The following RBM18 variants were observed in gnomAD, a reference collection of about 807,000 sequenced individuals.
RBM18 encodes RNA binding motif protein 18, also known as probable RNA-binding protein 18.
In RBM18, 18 loss-of-function variants were observed where a neutral mutation model predicts 26.4. The observed-to-expected ratio is 0.68, with a 90% CI of 0.47 to 1.01. RBM18 has a LOEUF of 1.01. Among genes scored for constraint, RBM18 ranks in the 50% least tolerant of loss-of-function variants. The probability of loss-of-function intolerance (pLI) is 0.00; values close to 1 mark genes in which losing one functional copy is unlikely to be tolerated. For missense variants in RBM18, 180 were observed against 219.2 expected, an observed-to-expected ratio of 0.82 and a Z score of 1.13; for synonymous variants, 74 against 81.1, an observed-to-expected ratio of 0.91 and a Z score of 0.47.
intron 2 of RBM18, among the ~76,000 whole-genome samples, chr9:122,254,071 A>T (rs11999923): frequency 1.3e-5 from 2 of 151,814 alleles, no homozygotes; most frequent in Non-Finnish European, 1.5e-5. Context: ...CACACACACA[A>T]AAAAAACAAA....
chr9:122,263,505 T>C (rs533738269), intron 1 of RBM18, among the ~76,000 whole-genome samples: 4 of 152,238 alleles, frequency 2.6e-5, no homozygotes, highest in Admixed American at 6.5e-5. Flanking sequence ...CTAGGACTTA[T>C]CCAGTTACTG....
In RBM18 at chr9:122,239,056, A is replaced by G. The variant is rs1831371411; in HGVS notation, c.*2828T>C. ...ACATATAGGAAATGTTTGACATTTA[A>G]TTTATAAGGCAAGAATTACTCCTGT... On this transcript the variant is annotated 3_prime_UTR_variant, in exon 6 of 6. Coordinates refer to ENST00000417201, the MANE Select transcript of RBM18 (RefSeq NM_033117.4). The G allele has an allele frequency of 6.6e-6, 1 of 152,220 alleles. No homozygotes were observed. Among genetic ancestry groups the G allele is most frequent in the Admixed American group, 6.5e-5 (1 of 15,282 alleles). 9.4% of individuals were successfully genotyped at this position (152,220 alleles called of 1,614,324 possible). A position where few individuals can be genotyped will look rare whatever the true frequency, so the allele number is the denominator to read the frequency against.
intron 3 of RBM18, among the ~76,000 whole-genome samples, chr9:122,251,537 A>G (rs1286365518): frequency 6.6e-6 from 1 of 152,232 alleles, no homozygotes; most frequent in African/African-American, 2.4e-5. Context: ...TTGGCCAGCC[A>G]GTAAAGCAAC....
chr9:122,258,261 CT>C (rs934616072), intron 2 of RBM18, among the ~76,000 whole-genome samples: 1 of 151,150 alleles, frequency 6.6e-6, no homozygotes, highest in Non-Finnish European at 1.5e-5. Flanking sequence ...ATTGGTAGTT[CT>C]TTCTTTCTTT....
chr9:122,259,943 C>T (rs1742577979), intron 2 of RBM18, among the ~76,000 whole-genome samples: 1 of 152,142 alleles, frequency 6.6e-6, no homozygotes, highest in African/African-American at 2.4e-5. Flanking sequence ...ATTCGCCTGC[C>T]TCGTCCTCCC....
At chr9:122,260,099 C>A (rs895677254) in intron 2 of RBM18, among the ~76,000 whole-genome samples, 1 of 152,126 alleles carries the variant, frequency 6.6e-6, no homozygotes, top group African/African-American at 2.4e-5. Flanking sequence ...GTAATCCCAG[C>A]ACTTTGGGAG....
intron 5 of RBM18, 117 bp from the exon 6 acceptor site, chr9:122,242,160 C>A: frequency 1.0e-6 from 1 of 957,844 alleles, no homozygotes; most frequent in South Asian, 1.9e-5. Context: ...TACTAAATTA[C>A]AGACATTTAA....
At chr9:122,258,621 A>G (rs1254066861) in intron 2 of RBM18, among the ~76,000 whole-genome samples, 2 of 151,998 alleles carry the variant, frequency 1.3e-5, no homozygotes, top group East Asian at 3.9e-4. Flanking sequence ...AGTCTGTTTG[A>G]CAGATAAAAT....
At chr9:122,250,493 A>T (rs189420016) in intron 3 of RBM18, among the ~76,000 whole-genome samples, 5 of 152,356 alleles carry the variant, frequency 3.3e-5, no homozygotes, top group Admixed American at 3.3e-4. Flanking sequence ...GTCATCAAAA[A>T]TGATTAGTTT....
chr9:122,244,729 C>A (rs1270753479), intron 5 of RBM18, among the ~76,000 whole-genome samples: 2 of 152,180 alleles, frequency 1.3e-5, no homozygotes, highest in Non-Finnish European at 2.9e-5. Context: ...TTCTGCTCAA[C>A]CATCCACTTA....
chr9:122,261,555 G>C, intron 1 of RBM18, 47 bp from the exon 2 acceptor site: 1 of 1,205,170 alleles, frequency 8.3e-7, no homozygotes, highest in Middle Eastern at 1.9e-4. Context: ...AACAATGTGT[G>C]AACACAAGAC....
In RBM18 at chr9:122,241,806, A is replaced by G; in HGVS notation, c.*78T>C. ...TGTGCTCCGTTGAATAGTACCATTC[A>G]CATCTACAAAGTACACAGGCAGACG... On this transcript the variant is annotated 3_prime_UTR_variant, in exon 6 of 6. Transcript: ENST00000417201. The G allele has an allele frequency of 8.0e-7, 1 of 1,246,210 alleles. No individual in the cohort carries two copies. 77.2% of individuals were successfully genotyped at this position (1,246,210 alleles called of 1,614,324 possible).
intron 3 of RBM18, among the ~76,000 whole-genome samples, 184 bp from the exon 4 acceptor site, chr9:122,247,788 T>G (rs570816983): frequency 3.0e-4 from 45 of 148,544 alleles, no homozygotes; most frequent in African/African-American, 1.1e-3. Context: ...TTTTGTTGTT[T>G]TTTTTTTTTT....
At chr9:122,261,309 A>G (rs1587982004) in intron 2 of RBM18, 71 bp downstream of exon 2, 1 of 1,076,852 alleles carries the variant, frequency 9.3e-7, no homozygotes, top group East Asian at 2.4e-5. Flanking sequence ...CCCCTTGAAA[A>G]TTCTTCTTGA....
At chr9:122,255,254 A>G (rs1281776863) in intron 2 of RBM18, among the ~76,000 whole-genome samples, 1 of 152,186 alleles carries the variant, frequency 6.6e-6, no homozygotes, top group African/African-American at 2.4e-5. Flanking sequence ...TTCCAATTTA[A>G]GTAACCAAAC....
At chr9:122,254,057 A>C (rs1342459269) in intron 2 of RBM18, among the ~76,000 whole-genome samples, 2 of 151,664 alleles carry the variant, frequency 1.3e-5, no homozygotes, top group African/African-American at 4.8e-5. Flanking sequence ...AACCCACAAA[A>C]ACACACACAC....
At chr9:122,256,339 A>G (rs1831697673) in intron 2 of RBM18, among the ~76,000 whole-genome samples, 1 of 152,146 alleles carries the variant, frequency 6.6e-6, no homozygotes, top group African/African-American at 2.4e-5. Context: ...CTCCACTCAG[A>G]TTCCTCCTTC....
At chr9:122,259,663 C>A (rs959951021) in intron 2 of RBM18, among the ~76,000 whole-genome samples, 2 of 152,010 alleles carry the variant, frequency 1.3e-5, no homozygotes, top group African/African-American at 4.8e-5. Context: ...CTAATCTTAA[C>A]TCTCATATAT....
At chr9:122,253,072 A>C (rs1831631284) in intron 2 of RBM18, among the ~76,000 whole-genome samples, 1 of 152,168 alleles carries the variant, frequency 6.6e-6, no homozygotes, top group Admixed American at 6.5e-5. Flanking sequence ...TCCCTGTGAT[A>C]CTAAAAAGGT....
Sources: gnomAD v4.1 joint callset for allele counts (sites outside exome capture counted in the v4.1 genomes callset) on GRCh38, gnomAD v4.1.1 for gene constraint, MANE v1.5 for transcripts, NCBI Gene and HGNC (gene_info 2026-07-23, HGNC 2026-07-21) for gene names.